The following GPC3 variants were observed in gnomAD, a reference collection of about 807,000 sequenced individuals.
The protein encoded by GPC3 is glypican-3.
Under a neutral mutation model 34.4 loss-of-function variants are expected in GPC3, and 3 were observed. The observed-to-expected ratio is 0.09, with a 90% CI of 0.04 to 0.23. The LOEUF (loss-of-function observed/expected upper bound fraction) is 0.23. GPC3 is among the 10% of genes least tolerant of loss of function. The pLI is 1.00. For missense variants in GPC3, 351 were observed against 445.6 expected, an observed-to-expected ratio of 0.79 and a Z score of 1.91; for synonymous variants, 177 against 174.0, an observed-to-expected ratio of 1.02 and a Z score of -0.13.
intron 6 of GPC3, among the ~76,000 whole-genome samples, chrX:133,658,281 ATTAT>A (rs754855666): frequency 1.8e-5 from 2 of 112,423 alleles, no homozygotes; most frequent in South Asian, 3.7e-4. Flanking sequence ...AAGGACAAAC[ATTAT>A]TTATCCCTTA....
intron 3 of GPC3, among the ~76,000 whole-genome samples, chrX:133,741,272 T>G (rs1286771931): frequency 4.0e-4 from 42 of 105,448 alleles, no homozygotes; most frequent in Non-Finnish European, 4.1e-4. Flanking sequence ...AAACTTCTGT[T>G]GTTTAAGCCA....
rs147358654 is a variant in GPC3 at position 133,848,724 on chromosome X, A to G, written c.338-94548T>C. ...CATAAGCACAGTACCAGCAAGGTACAAATCAGTGTTGTGGGAGAAGGAGGG... is the reference window on the plus strand; with the variant it reads ...CATAAGCACAGTACCAGCAAGGTACGAATCAGTGTTGTGGGAGAAGGAGGG... On this transcript the variant is annotated intron_variant, in intron 2 of 7. Transcript: ENST00000370818. Among the ~76,000 whole-genome samples, 439 of 111,989 alleles carry G rather than the reference A, an allele frequency of 3.9e-3. 1 individual carries two copies. Among genetic ancestry groups the G allele is most frequent in the Admixed American group, 7.2e-3 (75 of 10,482 alleles).
chrX:133,802,810 G>C, intron 2 of GPC3, among the ~76,000 whole-genome samples: 1 of 111,064 alleles, frequency 9.0e-6, no homozygotes, highest in Non-Finnish European at 1.9e-5. Context: ...ACTGTGTCCA[G>C]CTCCAGATAT....
intron 2 of GPC3, among the ~76,000 whole-genome samples, chrX:133,803,218 C>T (rs2075619273): frequency 8.9e-6 from 1 of 112,274 alleles, no homozygotes; most frequent in Non-Finnish European, 1.9e-5. Flanking sequence ...AGCCAGTGCG[C>T]CCGGTAACAG....
At chrX:133,560,413 A>T (rs1449971765) in intron 7 of GPC3, among the ~76,000 whole-genome samples, 2 of 112,374 alleles carry the variant, frequency 1.8e-5, no homozygotes, top group Admixed American at 1.9e-4. Flanking sequence ...CATTTTACGA[A>T]CTGAAGAGCA....
At chrX:133,751,476 C>G (rs1364264378) in intron 3 of GPC3, among the ~76,000 whole-genome samples, 1 of 112,408 alleles carries the variant, frequency 8.9e-6, no homozygotes, top group Non-Finnish European at 1.9e-5. Context: ...GTTCATTTTA[C>G]TATAAAATAT....
intron 2 of GPC3, among the ~76,000 whole-genome samples, chrX:133,898,124 T>C (rs2076126854): frequency 9.0e-6 from 1 of 111,439 alleles, no homozygotes; most frequent in Admixed American, 9.6e-5. Context: ...CATCTGGCAG[T>C]AATCCGATAT....
At chrX:133,698,988 T>C (rs185340181) in intron 4 of GPC3, among the ~76,000 whole-genome samples, 7 of 112,332 alleles carry the variant, frequency 6.2e-5, no homozygotes, top group African/African-American at 2.3e-4. Flanking sequence ...AGTAACATCA[T>C]TGGGCAGTCT....
intron 7 of GPC3, among the ~76,000 whole-genome samples, chrX:133,571,656 G>C (rs1380559628): frequency 1.8e-5 from 2 of 112,092 alleles, no homozygotes; most frequent in Non-Finnish European, 3.8e-5. Flanking sequence ...AAACCACCCT[G>C]TTCTGATATT....
At chrX:133,890,860 CAAA>C (rs35287205) in intron 2 of GPC3, among the ~76,000 whole-genome samples, 1 of 48,960 alleles carries the variant, frequency 2.0e-5, no homozygotes. Context: ...AACTCCATCT[CAAA>C]AAAAAAAAAA....
chrX:133,834,999 T>C (rs2075793065), intron 2 of GPC3, among the ~76,000 whole-genome samples: 1 of 112,305 alleles, frequency 8.9e-6, no homozygotes, highest in African/African-American at 3.2e-5. Context: ...AGATACTTCA[T>C]GGCATCCACG....
Position 133,875,805 on chromosome X carries a change from T to C in GPC3, c.337+77245A>G, listed in dbSNP as rs933250. Among the ~76,000 whole-genome samples, 23 of 111,310 alleles carry C rather than the reference T, an allele frequency of 2.1e-4. No individual in the cohort carries two copies. In the East Asian group the frequency reaches 6.2e-3, roughly 30 times the overall value. On this transcript the variant is annotated intron_variant, in intron 2 of 7. Coordinates refer to ENST00000370818, the MANE Select transcript of GPC3 (RefSeq NM_004484.4). ...AATACCTGTGGATTGATGGAACCCA[T>C]CAATCATCTGTTTCAAGATGCCTAC...
intron 2 of GPC3, among the ~76,000 whole-genome samples, chrX:133,913,521 C>T (rs1412709474): frequency 8.9e-6 from 1 of 112,166 alleles, no homozygotes; most frequent in African/African-American, 3.2e-5. Flanking sequence ...AATAATATCT[C>T]AGTCTGACAG....
chrX:133,707,548 G>C (rs1378083654), intron 3 of GPC3, among the ~76,000 whole-genome samples: 2 of 111,174 alleles, frequency 1.8e-5, no homozygotes, highest in African/African-American at 3.3e-5. Flanking sequence ...ACTGTGTTTA[G>C]TAAATTTAGA....
intron 2 of GPC3, among the ~76,000 whole-genome samples, chrX:133,941,818 G>A (rs2076346063): frequency 8.9e-6 from 1 of 112,439 alleles, no homozygotes; most frequent in African/African-American, 3.2e-5. Flanking sequence ...AAATGGGCTA[G>A]CATTCTGAAT....
intron 3 of GPC3, among the ~76,000 whole-genome samples, chrX:133,703,522 G>A (rs995183282): frequency 3.7e-5 from 4 of 106,781 alleles, no homozygotes; most frequent in Non-Finnish European, 7.7e-5. Flanking sequence ...GTGCAGTGGT[G>A]CAATCTCGGC....
rs1223141046 is a variant in GPC3, at chrX:133,661,804, G to T, written c.1339C>A (p.Leu447Ile). Reference protein sequence around the residue: ...ARNGMKNQFNLHELKMKGPEP... With the variant: ...ARNGMKNQFNIHELKMKGPEP... ...GGGCCCTTCATTTTCAGCTCATGGA[G>T]ATTGAACTGGTTTTTCATTCCATTC... Residue 447 changes from leucine (L) to isoleucine (I), a missense_variant, in exon 6 of 8, where the codon CTC becomes ATC. Transcript: ENST00000370818. 3.3e-6 allele frequency: 4 copies of T among 1,196,714 alleles called. No homozygotes were observed. The highest frequency in any genetic ancestry group is 1.1e-6 in the Non-Finnish European group (1 of 883,106).
chrX:133,772,805 A>G (rs1356224741), intron 2 of GPC3, among the ~76,000 whole-genome samples: 2 of 111,606 alleles, frequency 1.8e-5, no homozygotes, highest in Admixed American at 1.9e-4. Context: ...TTATTTAATT[A>G]TTATGATTAT....
intron 2 of GPC3, among the ~76,000 whole-genome samples, chrX:133,910,193 GA>G (rs1245210201): frequency 9.1e-6 from 1 of 110,489 alleles, no homozygotes; most frequent in Non-Finnish European, 1.9e-5. Flanking sequence ...ATGGCTGGGG[GA>G]TGAGGTGAAA....
Sources: allele counts gnomAD v4.1 joint callset (sites outside exome capture counted in the v4.1 genomes callset), GRCh38; gene constraint gnomAD v4.1.1; transcripts MANE v1.5; gene names NCBI Gene and HGNC (gene_info 2026-07-23, HGNC 2026-07-21).